REC114: variants seen among roughly 807,000 people sequenced by gnomAD.
REC114 encodes the protein REC114 meiotic recombination protein.
A neutral mutation model predicts 31.3 loss-of-function variants in REC114; 27 were observed. The ratio of observed to expected loss-of-function variants is 0.86; its 90% CI spans 0.64 to 1.19. The LOEUF (loss-of-function observed/expected upper bound fraction) is 1.19. Ranked by LOEUF, REC114 falls within the 50% of genes most tolerant of loss-of-function variation. The pLI is 0.00. For missense variants in REC114, 344 were observed against 326.9 expected, an observed-to-expected ratio of 1.05 and a Z score of -0.40; for synonymous variants, 134 against 127.7, an observed-to-expected ratio of 1.05 and a Z score of -0.33.
At chr15:73,490,677 A>G (rs1179814975) in intron 2 of REC114, among the ~76,000 whole-genome samples, 1 of 152,246 alleles carries the variant, frequency 6.6e-6, no homozygotes, top group Non-Finnish European at 1.5e-5. Context: ...TCTGAGCAAC[A>G]GAGCAAGACC....
At chr15:73,540,211 T>A (rs80160735) in intron 2 of REC114, among the ~76,000 whole-genome samples, 11,097 of 152,198 alleles carry the variant, frequency 0.073, 516 homozygotes, top group African/African-American at 0.12. Flanking sequence ...AATATGACTA[T>A]GGACACTTAA....
Position 73,451,397 on chromosome 15 carries a change from C to G in REC114, c.159+8053C>G, listed in dbSNP as rs182843647. The stretch of plus-strand genomic sequence containing the variant: ...AAAATCTAGAAGAAATGGATAAATT[C>G]CTCAAGACATACACCCTCCCAAGAC... On this transcript the variant is annotated intron_variant, in intron 1 of 5. Transcript: ENST00000331090. Among the ~76,000 whole-genome samples the G allele has an allele frequency of 6.3e-4, 96 of 152,266 alleles. 1 individual carries two copies. The East Asian group carries it at 0.015, about 23-fold the overall frequency.
At chr15:73,516,578 T>G (rs1417592222) in intron 2 of REC114, among the ~76,000 whole-genome samples, 1 of 152,158 alleles carries the variant, frequency 6.6e-6, no homozygotes. Context: ...AATGCGGTAC[T>G]CCATGCTATG....
rs1894466311 is a variant in REC114 at position 73,556,308 on chromosome 15, C to G, written c.553C>G (p.Gln185Glu). Reference sequence around the variant, plus strand: ...GCATGTTGTTTTATTCCAGTCCCACCAGCACTCAGAACAACAGCAAGTGTG... The same window carrying G: ...GCATGTTGTTTTATTCCAGTCCCACGAGCACTCAGAACAACAGCAAGTGTG... ...KSVPRQPGSHQHSEQQQVCVT... is the reference protein window; with the variant it reads ...KSVPRQPGSHEHSEQQQVCVT... The change falls in exon 5 of 6, where the codon CAG (glutamine) becomes GAG (glutamate). Residue 185 changes from glutamine (Q) to glutamate (E), a missense_variant. Transcript: ENST00000331090. The G allele has an allele frequency of 1.9e-6, 3 of 1,613,304 alleles. No homozygotes were observed. The highest frequency in any genetic ancestry group is 1.3e-5 in the African/African-American group (1 of 74,866).
chr15:73,558,724 G>T (rs1174057125), intron 5 of REC114, among the ~76,000 whole-genome samples: 1 of 152,124 alleles, frequency 6.6e-6, no homozygotes, highest in African/African-American at 2.4e-5. Context: ...AATGTAAATG[G>T]GACAGCCACT....
At chr15:73,479,294 T>C (rs1015393417) in intron 2 of REC114, among the ~76,000 whole-genome samples, 4 of 149,928 alleles carry the variant, frequency 2.7e-5, no homozygotes, top group Admixed American at 1.3e-4. Flanking sequence ...CTGGTATTTA[T>C]CTATTTTTAA....
At chr15:73,481,581 G>A (rs1235453816) in intron 2 of REC114, among the ~76,000 whole-genome samples, 1 of 149,728 alleles carries the variant, frequency 6.7e-6, no homozygotes, top group Non-Finnish European at 1.5e-5. Flanking sequence ...TGGCCGTTTT[G>A]GGTTTCACAT....
At chr15:73,505,402 A>C (rs570782222) in intron 2 of REC114, among the ~76,000 whole-genome samples, 1 of 152,038 alleles carries the variant, frequency 6.6e-6, no homozygotes, top group Non-Finnish European at 1.5e-5. Flanking sequence ...TTTTTGTCCA[A>C]TTGGCCCGTA....
intron 2 of REC114, among the ~76,000 whole-genome samples, chr15:73,506,327 T>C (rs763439517): frequency 6.6e-6 from 1 of 152,198 alleles, no homozygotes; most frequent in South Asian, 2.1e-4. Flanking sequence ...GGTTCTGCTT[T>C]TAATGTCACT....
intron 2 of REC114, among the ~76,000 whole-genome samples, chr15:73,531,809 G>A (rs958124910): frequency 2.6e-5 from 4 of 152,216 alleles, no homozygotes; most frequent in African/African-American, 9.6e-5. Flanking sequence ...AGATTTGACA[G>A]CCCTTATTTC....
chr15:73,554,420 A>C (rs914456342), intron 4 of REC114, among the ~76,000 whole-genome samples: 5 of 152,214 alleles, frequency 3.3e-5, no homozygotes, highest in African/African-American at 9.6e-5. Flanking sequence ...TAGTACCTAT[A>C]TATTTTTTAG....
intron 1 of REC114, among the ~76,000 whole-genome samples, chr15:73,453,877 C>A (rs1211371097): frequency 6.6e-6 from 1 of 151,548 alleles, no homozygotes; most frequent in African/African-American, 2.4e-5. Context: ...GAACAGAAAA[C>A]CAAACACTGC....
chr15:73,493,946 AG>A (rs1305798271), intron 2 of REC114, among the ~76,000 whole-genome samples: 1 of 152,164 alleles, frequency 6.6e-6, no homozygotes, highest in Non-Finnish European at 1.5e-5. Context: ...ATTCCAGATG[AG>A]GGCTTTCTTA....
intron 1 of REC114, among the ~76,000 whole-genome samples, chr15:73,462,884 C>CAAAAAAAAAAAAAAAA (rs769569268): frequency 0.011 from 632 of 55,612 alleles, 27 homozygotes; most frequent in African/African-American, 0.017. Context: ...GACTCCGTCT[C>CAAAAAAAAAAAAAAAA]AAAAAAAAAA....
At chr15:73,530,052 T>TTA (rs2141324210) in intron 2 of REC114, among the ~76,000 whole-genome samples, 1 of 152,320 alleles carries the variant, frequency 6.6e-6, no homozygotes, top group South Asian at 2.1e-4. Flanking sequence ...ACCAAACTGG[T>TTA]TATATAGCTT....
At chr15:73,528,744 C>T (rs577181713) in intron 2 of REC114, among the ~76,000 whole-genome samples, 94 of 152,264 alleles carry the variant, frequency 6.2e-4, no homozygotes, top group African/African-American at 1.8e-3. Context: ...TGGCTGCTTT[C>T]GTGCTACAAG....
chr15:73,555,639 C>CA (rs1279950833), intron 4 of REC114, among the ~76,000 whole-genome samples: 1 of 152,118 alleles, frequency 6.6e-6, no homozygotes, highest in Non-Finnish European at 1.5e-5. Context: ...TGTGGGCTTC[C>CA]AGAGGGCAGG....
Position 73,461,087 on chromosome 15 carries a change from CTATA to C in REC114, c.160-12739_160-12736del, listed in dbSNP as rs548432869. Among the ~76,000 whole-genome samples, 405 of 151,004 alleles carry C rather than the reference CTATA, an allele frequency of 2.7e-3. 2 individuals carry two copies. Among genetic ancestry groups the C allele is most frequent in the African/African-American group, 9.6e-3 (394 of 41,176 alleles). On this transcript the variant is annotated intron_variant, in intron 1 of 5. Coordinates refer to ENST00000331090, the MANE Select transcript of REC114 (RefSeq NM_001042367.2). Reference sequence around the variant, plus strand: ...TGTACATTGTAAAAGAAAAAGTTCTCTATATATATGATTACTTTTTTGGTGGTGG... The same window carrying C: ...TGTACATTGTAAAAGAAAAAGTTCTCTATATGATTACTTTTTTGGTGGTGG...
intron 2 of REC114, among the ~76,000 whole-genome samples, chr15:73,499,585 G>T (rs1472747449): frequency 6.6e-6 from 1 of 152,134 alleles, no homozygotes; most frequent in East Asian, 1.9e-4. Flanking sequence ...ACTTTCTTTA[G>T]TCTCTTATTA....
Sources: allele counts gnomAD v4.1 joint callset (sites outside exome capture counted in the v4.1 genomes callset), GRCh38; gene constraint gnomAD v4.1.1; transcripts MANE v1.5; gene names NCBI Gene and HGNC (gene_info 2026-07-23, HGNC 2026-07-21).